ALS2CL: variants seen among roughly 807,000 people sequenced by gnomAD.
ALS2CL encodes ALS2 C-terminal like, also known as ALS2 C-terminal-like protein.
In ALS2CL, 112 loss-of-function variants were observed where a neutral mutation model predicts 127.9. The ratio of observed to expected loss-of-function variants is 0.88; its 90% CI spans 0.75 to 1.02. ALS2CL has a LOEUF of 1.02. Ranked by LOEUF, ALS2CL falls within the 50% of genes least tolerant of loss-of-function variation. The pLI, the probability that ALS2CL is intolerant of heterozygous loss-of-function variation, is 0.00. For synonymous variants in ALS2CL, 519 were observed against 527.6 expected (o/e 0.98, Z 0.22); for missense variants, 1,174 against 1,236.7 (o/e 0.95, Z 0.76).
intron 16 of ALS2CL, among the ~76,000 whole-genome samples, chr3:46,677,668 C>T (rs1698971626): frequency 6.6e-6 from 1 of 152,210 alleles, no homozygotes; most frequent in Non-Finnish European, 1.5e-5. Context: ...ATTAGAACTG[C>T]CACCCACACA....
Position 46,683,823 on chromosome 3 carries a change from C to A in ALS2CL, c.871G>T (p.Glu291Ter), listed in dbSNP as rs182403545. 3.4e-5 allele frequency: 55 copies of A among 1,614,138 alleles called. No individual in the cohort carries two copies. The East Asian group carries it at 7.4e-4, about 22-fold the overall frequency. Residue 291 changes from glutamate (E) to a stop codon, truncating the protein, a stop_gained, in exon 9 of 26, where the codon GAA (glutamate) becomes TAA (stop). Transcript: ENST00000318962. LOFTEE classifies it high-confidence loss of function. ...TTGGCACAAAAGGAGAACTCTTCTT[C>A]GGGCGTGAGGAGGTGAAACGTGCAC... The part of the protein sequence containing the change: ...DGCTFHLLTP[E>*]EEFSFCAKDS...
At chr3:46,676,473 C>T (rs1008219897) in intron 18 of ALS2CL, 71 bp from the exon 19 acceptor site, 2 of 1,593,800 alleles carry the variant, frequency 1.3e-6, no homozygotes, top group African/African-American at 1.3e-5. Flanking sequence ...CCACACCAGC[C>T]TCCCAACACT....
At position 46,676,902 on chromosome 3, in the gene ALS2CL, G is replaced by A. The variant is rs199667002; in HGVS notation, c.1878C>T (p.Asp626=). The part of the protein sequence containing the change: ...RDLQEALLGF[D]VQSSRELRRS... Reference sequence around the variant, plus strand: ...TACGCAGCTCCCTGGAGCTCTGCACGTCGAAGCCCAGCAGGGCCTCCTGCA... The same window carrying A: ...TACGCAGCTCCCTGGAGCTCTGCACATCGAAGCCCAGCAGGGCCTCCTGCA... Residue 626 remains aspartate, a synonymous_variant, in exon 17 of 26, where the codon GAC becomes GAT. Transcript: ENST00000318962. 3.0e-5 allele frequency: 48 copies of A among 1,611,420 alleles called. No individual in the cohort carries two copies. Among genetic ancestry groups the A allele is most frequent in the African/African-American group, 2.3e-4 (17 of 74,666 alleles).
rs368009065 is a variant in ALS2CL at position 46,687,049 on chromosome 3, C to A, written c.468G>T (p.Gln156His). 121 of 1,603,848 alleles carry A rather than the reference C, an allele frequency of 7.5e-5. No homozygotes were observed. Among genetic ancestry groups the A allele is most frequent in the Non-Finnish European group, 1.0e-4 (119 of 1,179,070 alleles). ...VGASLGQALH[Q>H]PLAHHVQQYV... ...ACTGTTGCACGTGATGGGCGAGTGG[C>A]TGGTGGAGGGCCTGGCCCAGCGATG... The change falls in exon 5 of 26, where the codon CAG (glutamine) becomes CAT (histidine). Residue 156 changes from glutamine (Q) to histidine (H), a missense_variant. Coordinates refer to ENST00000318962, the MANE Select transcript of ALS2CL (RefSeq NM_147129.5).
rs1358702642 is a variant in ALS2CL at position 46,673,347 on chromosome 3, T to C, written c.2464A>G (p.Ser822Gly). 2 of 1,565,530 alleles carry C rather than the reference T, an allele frequency of 1.3e-6. No individual in the cohort carries two copies. The highest frequency in any genetic ancestry group is 1.7e-6 in the Non-Finnish European group (2 of 1,154,756). Reference sequence around the variant, plus strand: ...TCTGGCCTCCCTCTCACCTGATTGCTCGTCAGCGTGAGGTCCTTGAGGGGC... The same window carrying C: ...TCTGGCCTCCCTCTCACCTGATTGCCCGTCAGCGTGAGGTCCTTGAGGGGC... ...LWPLKDLTLT[S>G]NQRYSLVRDK... Residue 822 changes from serine (S) to glycine (G), a missense_variant, in exon 22 of 26, where the codon AGC (serine) becomes GGC (glycine). Ser to Gly is a moderately conservative substitution (Grantham distance 56, BLOSUM62 0). Coordinates refer to ENST00000318962, the MANE Select transcript of ALS2CL (RefSeq NM_147129.5).
rs192675725 is a variant in ALS2CL, at chr3:46,676,532, T to C, written c.2028+110A>G. ...ACTGAGGTCCTCTGAGGACAAGGGA[T>C]CCACAGGCCTGTCCCCTTCAGTCAG... On this transcript the variant is annotated intron_variant, in intron 18 of 25. Transcript: ENST00000318962. 466 of 1,530,566 alleles carry C rather than the reference T, an allele frequency of 3.0e-4. 1 individual carries two copies. The African/African-American group carries it at 5.4e-3, about 18-fold the overall frequency. The allele number at this position is 1,530,566 out of a possible 1,614,324, so 94.8% of individuals were successfully genotyped here. A position where few individuals can be genotyped will look rare whatever the true frequency, so the allele number is the denominator to read the frequency against.
chr3:46,683,123 C>A lies in ALS2CL; in HGVS notation c.1109+7G>T. 6.4e-7 allele frequency: 1 copy of A among 1,552,234 alleles called. No homozygotes were observed. Reference sequence around the variant, plus strand: ...CCACCTTGCCACCCAGAGCTCCAGCCACTCACTTGCCGTGGGGCCGGCCCC... The same window carrying A: ...CCACCTTGCCACCCAGAGCTCCAGCAACTCACTTGCCGTGGGGCCGGCCCC... On this transcript the variant is annotated splice_region_variant and intron_variant, in intron 10 of 25. Transcript: ENST00000318962.
chr3:46,676,357 G>C lies in ALS2CL; in HGVS notation c.2074C>G (p.Leu692Val). 6.2e-7 allele frequency: 1 copy of C among 1,613,988 alleles called. No homozygotes were observed. Among genetic ancestry groups the C allele is most frequent in the Non-Finnish European group, 8.5e-7 (1 of 1,179,988 alleles). ...LHPLGKLLRT[L>V]MLTFQATYAG... ...TAGGTAGCCTGGAAGGTCAGCATCA[G>C]TGTCCGGAGCAGCTTTCCCAGGGGG... Residue 692 changes from leucine (L) to valine (V), a missense_variant, in exon 19 of 26, where the codon CTG (leucine) becomes GTG (valine). Transcript: ENST00000318962.
In ALS2CL at chr3:46,688,168, G is replaced by T; in HGVS notation, c.232C>A (p.Pro78Thr). The change falls in exon 3 of 26, where the codon CCG becomes ACG. Residue 78 changes from proline (P) to threonine (T), a missense_variant. Coordinates refer to ENST00000318962, the MANE Select transcript of ALS2CL (RefSeq NM_147129.5). ...LHSLQERLRY[P>T]DSTGLESLLL... is the part of the protein sequence containing the mutation. The stretch of plus-strand genomic sequence containing the variant: ...AGGGACTCCAGACCGGTGGAGTCCG[G>T]GTAACGCAGCCTCTCCTGCAGTGAG... The T allele has an allele frequency of 6.2e-7, 1 of 1,613,032 alleles. No individual in the cohort carries two copies. The highest frequency in any genetic ancestry group is 8.5e-7 in the Non-Finnish European group (1 of 1,179,988).
Position 46,687,738 on chromosome 3 carries a change from AG to A in ALS2CL, c.303-55del. 15 of 1,555,754 alleles carry A rather than the reference AG, an allele frequency of 9.6e-6. No individual in the cohort carries two copies. In the South Asian group the frequency reaches 1.7e-4, roughly 18 times the overall value. On this transcript the variant is annotated intron_variant, in intron 3 of 25. Transcript: ENST00000318962. ...AACCCAGTCCTCAGCCCCAGACCTA[AG>A]CCCCTGGTCCCTGGGATCCCCAGAT...
intron 14 of ALS2CL, 91 bp from the exon 15 acceptor site, chr3:46,679,378 T>A (rs984558475): frequency 1.0e-4 from 97 of 938,186 alleles, no homozygotes; most frequent in Non-Finnish European, 1.4e-4. Flanking sequence ...AGAAGGGAGA[T>A]GTGCCCTGAC....
At chr3:46,687,170 C>G in intron 4 of ALS2CL, 22 bp from the exon 5 acceptor site, 1 of 1,510,460 alleles carries the variant, frequency 6.6e-7, no homozygotes, top group Non-Finnish European at 8.8e-7. Context: ...GAGGGCCACG[C>G]ACCACCTTCA....
In ALS2CL at chr3:46,681,028, C is replaced by T; in HGVS notation, c.1436+218G>A. ...GGGGGTCAGAAATGCCTCTCCAACACCATGAGGAGGGGTGAGGGGCGGGGG... is the reference window on the plus strand; with the variant it reads ...GGGGGTCAGAAATGCCTCTCCAACATCATGAGGAGGGGTGAGGGGCGGGGG... On this transcript the variant is annotated intron_variant, in intron 13 of 25. Transcript: ENST00000318962. The surrounding 1 kb of genome is among the most constrained non-coding windows in gnomAD (Gnocchi z 4.9). 2 of 708,592 alleles carry T rather than the reference C, an allele frequency of 2.8e-6. No individual in the cohort carries two copies. The highest frequency in any genetic ancestry group is 4.9e-6 in the Non-Finnish European group (2 of 410,744). 43.9% of individuals were successfully genotyped at this position (708,592 alleles called of 1,614,324 possible).
At chr3:46,685,678 G>A (rs377404072) in intron 6 of ALS2CL, 34 bp from the exon 7 acceptor site, 580 of 1,594,144 alleles carry the variant, frequency 3.6e-4, no homozygotes, top group Non-Finnish European at 4.7e-4. Context: ...CAAGGCTTAG[G>A]CACCTCTGTC....
At chr3:46,671,340 G>A in intron 25 of ALS2CL, 148 bp downstream of exon 25, 8 of 1,350,828 alleles carry the variant, frequency 5.9e-6, no homozygotes, top group Non-Finnish European at 8.0e-6. Flanking sequence ...GCAGGATCAG[G>A]GACACTGTGA....
At position 46,681,466 on chromosome 3, in the gene ALS2CL, C is replaced by T; in HGVS notation, c.1274+34G>A. Reference sequence around the variant, plus strand: ...ATGGAGCTCAGCCCAGAGGATGGGCCCAGCCCATGAACCCCCCAGCCAGGG... The same window carrying T: ...ATGGAGCTCAGCCCAGAGGATGGGCTCAGCCCATGAACCCCCCAGCCAGGG... On this transcript the variant is annotated intron_variant, in intron 12 of 25. Transcript: ENST00000318962. This position sits in a 1 kb window ranked among gnomAD's most constrained non-coding sequence, Gnocchi z 4.9. 5 of 1,613,728 alleles carry T rather than the reference C, an allele frequency of 3.1e-6. No individual in the cohort carries two copies. The highest frequency in any genetic ancestry group is 1.7e-5 in the Admixed American group (1 of 59,994).
At chr3:46,687,217 C>G in intron 4 of ALS2CL, 69 bp from the exon 5 acceptor site, 9 of 1,436,052 alleles carry the variant, frequency 6.3e-6, no homozygotes, top group Non-Finnish European at 8.2e-6. Flanking sequence ...CCGCCACCTC[C>G]CTGCCCCAGC....
At chr3:46,680,919 G>T (rs1365918379) in intron 13 of ALS2CL, 4 of 547,924 alleles carry the variant, frequency 7.3e-6, no homozygotes, top group Admixed American at 3.1e-5. Flanking sequence ...AGGCGAGGCT[G>T]TGATTGCCAG....
At chr3:46,693,033 C>T (rs1424336181) in intron 1 of ALS2CL, among the ~76,000 whole-genome samples, 1 of 152,142 alleles carries the variant, frequency 6.6e-6, no homozygotes, top group Non-Finnish European at 1.5e-5. Context: ...AGAGTAGAGA[C>T]ACGCACTGCC....
Sources: allele counts gnomAD v4.1 joint callset (sites outside exome capture counted in the v4.1 genomes callset), GRCh38; gene constraint gnomAD v4.1.1; non-coding constraint Gnocchi (gnomAD v3.1); transcripts MANE v1.5; gene names NCBI Gene and HGNC (gene_info 2026-07-23, HGNC 2026-07-21).